Variants in TRIP13 observed in about 807,000 individuals in gnomAD.
TRIP13 encodes pachytene checkpoint protein 2 homolog.
Under a neutral mutation model 54.4 loss-of-function variants are expected in TRIP13, and 25 were observed. That is an observed-to-expected ratio of 0.46 (90% CI 0.33 to 0.64). TRIP13 has a LOEUF of 0.64. Ranked by LOEUF, TRIP13 falls within the 30% of genes least tolerant of loss-of-function variation. The pLI, the probability that TRIP13 is intolerant of heterozygous loss-of-function variation, is 0.02. For synonymous variants in TRIP13, 207 were observed against 207.8 expected (o/e 1.00, Z 0.03); for missense variants, 373 against 534.2 (o/e 0.70, Z 2.97).
At chr5:900,639 G>A in intron 4 of TRIP13, 90 bp downstream of exon 4, 1 of 1,436,518 alleles carries the variant, frequency 7.0e-7, no homozygotes. Flanking sequence ...GCAACTTGAT[G>A]CAGATGGGTT....
chr5:908,582 G>C lies in TRIP13; in HGVS notation c.866+121G>C, dbSNP rs112945315. On this transcript the variant is annotated intron_variant, in intron 9 of 12. Coordinates refer to ENST00000166345, the MANE Select transcript of TRIP13 (RefSeq NM_004237.4). The surrounding 1 kb of genome is among the most constrained non-coding windows in gnomAD (Gnocchi z 5.2). ...AGCTCTTTCACCGGAAAGTGCATTTGGCATTGAGTATCGACTCCTTTTCCA... is the reference window on the plus strand; with the variant it reads ...AGCTCTTTCACCGGAAAGTGCATTTCGCATTGAGTATCGACTCCTTTTCCA... The C allele has an allele frequency of 2.0e-6, 3 of 1,518,896 alleles. No homozygotes were observed. Among genetic ancestry groups the C allele is most frequent in the Admixed American group, 2.0e-5 (1 of 50,852 alleles). 94.1% of individuals were successfully genotyped at this position (1,518,896 alleles called of 1,614,324 possible).
At chr5:903,268 A>G (rs956589113) in intron 5 of TRIP13, among the ~76,000 whole-genome samples, 5 of 152,152 alleles carry the variant, frequency 3.3e-5, no homozygotes, top group African/African-American at 1.2e-4. Flanking sequence ...TGCTAGACCA[A>G]GGAGCCCTCT....
At position 894,895 on chromosome 5, in the gene TRIP13, C is replaced by G; in HGVS notation, c.201C>G (p.Thr67=). 6.2e-7 allele frequency: 1 copy of G among 1,613,552 alleles called. No individual in the cohort carries two copies. Among genetic ancestry groups the G allele is most frequent in the Non-Finnish European group, 8.5e-7 (1 of 1,179,846 alleles). The change falls in exon 2 of 13, where the codon ACC becomes ACG. Residue 67 remains threonine (T), a synonymous_variant. Coordinates refer to ENST00000166345, the MANE Select transcript of TRIP13 (RefSeq NM_004237.4). ...CTGAGTTTGATGAACCTTTTTTGAC[C>G]AGAAATGTGCAGTCTGTGTCTATTA... is the stretch of plus-strand genomic sequence containing the variant. The part of the protein sequence containing the change: ...TWTEFDEPFL[T]RNVQSVSIID...
chr5:893,204 C>A (rs989778685), intron 1 of TRIP13, 114 bp downstream of exon 1: 20 of 1,070,416 alleles, frequency 1.9e-5, no homozygotes, highest in Admixed American at 9.3e-5. Context: ...CCCCAGGGTA[C>A]TGATCCGGCC....
Position 907,053 on chromosome 5 carries a change from C to G in TRIP13, c.609-77C>G. 1 of 1,243,946 alleles carries G rather than the reference C, an allele frequency of 8.0e-7. No individual in the cohort carries two copies. The allele number at this position is 1,243,946 out of a possible 1,614,324, so 77.1% of individuals were successfully genotyped here. ...TGCTGGGCACTTGAGATGTTGCATTCAGGACGCGTGAATGGCTGCCGCTGA... is the reference window on the plus strand; with the variant it reads ...TGCTGGGCACTTGAGATGTTGCATTGAGGACGCGTGAATGGCTGCCGCTGA... On this transcript the variant is annotated intron_variant, in intron 6 of 12. Coordinates refer to ENST00000166345, the MANE Select transcript of TRIP13 (RefSeq NM_004237.4). The surrounding 1 kb of genome is among the most constrained non-coding windows in gnomAD (Gnocchi z 4.1).
At position 911,768 on chromosome 5, in the gene TRIP13, T is replaced by C; in HGVS notation, c.867-75T>C. 1 of 1,525,372 alleles carries C rather than the reference T, an allele frequency of 6.6e-7. No individual in the cohort carries two copies. Among genetic ancestry groups the C allele is most frequent in the South Asian group, 1.3e-5 (1 of 78,420 alleles). 94.5% of individuals were successfully genotyped at this position (1,525,372 alleles called of 1,614,324 possible). A position where few individuals can be genotyped will look rare whatever the true frequency, so the allele number is the denominator to read the frequency against. ...CTGGCCATCGTCCTGCCAACCTCCTTGCCAGATAGGGCAGGATAGAATTGG... is the reference window on the plus strand; with the variant it reads ...CTGGCCATCGTCCTGCCAACCTCCTCGCCAGATAGGGCAGGATAGAATTGG... On this transcript the variant is annotated intron_variant, in intron 9 of 12. Coordinates refer to ENST00000166345, the MANE Select transcript of TRIP13 (RefSeq NM_004237.4). The surrounding 1 kb of genome is among the most constrained non-coding windows in gnomAD (Gnocchi z 4.7).
chr5:916,182 C>T (rs902032963), intron 12 of TRIP13, among the ~76,000 whole-genome samples: 1 of 152,216 alleles, frequency 6.6e-6, no homozygotes, highest in Non-Finnish European at 1.5e-5. Context: ...TGCCACATGC[C>T]TCTGCTCACA....
At chr5:909,062 TTC>T (rs975357872) in intron 9 of TRIP13, 5 of 155,064 alleles carry the variant, frequency 3.2e-5, no homozygotes, top group African/African-American at 1.2e-4. Context: ...TCCCACCCAC[TTC>T]TCTCCTATCC....
chr5:916,367 C>T lies in TRIP13; in HGVS notation c.1203+394C>T, dbSNP rs1379741506. Among the ~76,000 whole-genome samples the T allele has an allele frequency of 9.8e-5, 15 of 152,322 alleles. No homozygotes were observed. In the South Asian group the frequency reaches 2.7e-3, roughly 27 times the overall value. ...GGTGCTGGGCCTGTTGCAGATGCTT[C>T]GGCCTGGGGCACTCACCCCTCCCCT... On this transcript the variant is annotated intron_variant, in intron 12 of 12. Transcript: ENST00000166345.
rs1274633118 is a variant in TRIP13, at chr5:911,058, C to T, written c.867-785C>T. On this transcript the variant is annotated intron_variant, in intron 9 of 12. Transcript: ENST00000166345. The surrounding 1 kb of genome is among the most constrained non-coding windows in gnomAD (Gnocchi z 4.7). ...TCCCTGGGGGCACCTTGTGCCCGCT[C>T]TGCTGGCTCATGCTGGGTCCTTGGG... 2.0e-5 allele frequency among the ~76,000 whole-genome samples: 3 copies of T among 152,256 alleles called. No homozygotes were observed. Among genetic ancestry groups the T allele is most frequent in the Non-Finnish European group, 4.4e-5 (3 of 68,044 alleles).
In TRIP13 at chr5:915,472, T is replaced by G. The variant is rs985252557; in HGVS notation, c.1134-432T>G. Among the ~76,000 whole-genome samples, 4 of 149,386 alleles carry G rather than the reference T, an allele frequency of 2.7e-5. No individual in the cohort carries two copies. The highest frequency in any genetic ancestry group is 1.3e-4 in the Admixed American group (2 of 15,204). On this transcript the variant is annotated intron_variant, in intron 11 of 12. Transcript: ENST00000166345. The surrounding 1 kb of genome is among the most constrained non-coding windows in gnomAD (Gnocchi z 4.2). ...GCTCCCAGGCAGGTGATGCATTCCCTGAGCGCAAGGATGCTGGCCCTGGGG... is the reference window on the plus strand; with the variant it reads ...GCTCCCAGGCAGGTGATGCATTCCCGGAGCGCAAGGATGCTGGCCCTGGGG...
In TRIP13 at chr5:904,131, T is replaced by A. The variant is rs201819954; in HGVS notation, c.536-17T>A. ...AGCACTGACTTAAAAATATATTTGC[T>A]TGGATCTTTGTCACAGGTCCTCCTG... On this transcript the variant is annotated splice_polypyrimidine_tract_variant and intron_variant, in intron 5 of 12. Coordinates refer to ENST00000166345, the MANE Select transcript of TRIP13 (RefSeq NM_004237.4). 1.3e-6 allele frequency: 2 copies of A among 1,597,342 alleles called. No individual in the cohort carries two copies. The highest frequency in any genetic ancestry group is 2.7e-5 in the African/African-American group (2 of 73,986).
At chr5:897,001 C>T (rs1753931303) in intron 3 of TRIP13, among the ~76,000 whole-genome samples, 1 of 152,214 alleles carries the variant, frequency 6.6e-6, no homozygotes, top group Admixed American at 6.5e-5. Context: ...TGGGTGGGTA[C>T]CTTAGAGTTC....
Position 908,272 on chromosome 5 carries a change from C to T in TRIP13, c.760-83C>T, listed in dbSNP as rs561976348. 156 of 1,508,858 alleles carry T rather than the reference C, an allele frequency of 1.0e-4. No individual in the cohort carries two copies. Among genetic ancestry groups the T allele is most frequent in the Non-Finnish European group, 1.3e-4 (140 of 1,096,862 alleles). 93.5% of individuals were successfully genotyped at this position (1,508,858 alleles called of 1,614,324 possible). A position where few individuals can be genotyped will look rare whatever the true frequency, so the allele number is the denominator to read the frequency against. On this transcript the variant is annotated intron_variant, in intron 8 of 12. Transcript: ENST00000166345. The surrounding 1 kb of genome is among the most constrained non-coding windows in gnomAD (Gnocchi z 5.2). ...AACACCCATTCATTCATCTTTTTCA[C>T]GTGCTCAGCGGGACGTATCCCCATA...
chr5:896,695 C>T lies in TRIP13; in HGVS notation c.289C>T (p.Leu97Phe). 1 of 1,613,826 alleles carries T rather than the reference C, an allele frequency of 6.2e-7. No homozygotes were observed. Among genetic ancestry groups the T allele is most frequent in the Middle Eastern group, 1.6e-4 (1 of 6,062 alleles). ...CGATTTGAGTGCATGCACTGTTGCA[C>T]TTCACATTTTCCAGCTGAATGAAGA... ...PIDLSACTVA[L>F]HIFQLNEDGP... is the part of the protein sequence containing the mutation. Residue 97 changes from leucine to phenylalanine, a missense_variant, in exon 3 of 13, where the codon CTT (leucine) becomes TTT (phenylalanine). This residue lies in a region of TRIP13 where 151 missense variants were observed against 151.9 expected (regional missense o/e 0.99). Coordinates refer to ENST00000166345, the MANE Select transcript of TRIP13 (RefSeq NM_004237.4).
intron 2 of TRIP13, among the ~76,000 whole-genome samples, chr5:895,344 T>C (rs916324610): frequency 7.2e-5 from 11 of 152,144 alleles, no homozygotes; most frequent in Admixed American, 2.6e-4. Flanking sequence ...CCTTATAGAA[T>C]TCCTTTATCT....
rs150596694 is a variant in TRIP13 at position 896,423 on chromosome 5, A to G, written c.259-242A>G. Reference sequence around the variant, plus strand: ...TAATAACGTCCCGGAGGCTGGATTTAGGGCACTTTTTCATTCTGTAAGTAA... The same window carrying G: ...TAATAACGTCCCGGAGGCTGGATTTGGGGCACTTTTTCATTCTGTAAGTAA... On this transcript the variant is annotated intron_variant, in intron 2 of 12. Transcript: ENST00000166345. Among the ~76,000 whole-genome samples the G allele has an allele frequency of 1.8e-3, 271 of 152,338 alleles. 2 individuals carry two copies. The highest frequency in any genetic ancestry group is 6.3e-3 in the African/African-American group (261 of 41,590).
Position 908,412 on chromosome 5 carries a change from G to A in TRIP13, c.817G>A (p.Ala273Thr). 6.2e-7 allele frequency: 1 copy of A among 1,613,642 alleles called. No homozygotes were observed. The highest frequency in any genetic ancestry group is 2.2e-5 in the East Asian group (1 of 44,884). Reference sequence around the variant, plus strand: ...CAGGGCGGGCACCGAGCCATCAGATGCCATCCGCGTGGTCAATGCTGTCTT... The same window carrying A: ...CAGGGCGGGCACCGAGCCATCAGATACCATCCGCGTGGTCAATGCTGTCTT... ...ACRAGTEPSD[A>T]IRVVNAVLTQ... Residue 273 changes from alanine (A) to threonine (T), a missense_variant, in exon 9 of 13, where the codon GCC (alanine) becomes ACC (threonine). Around this residue, in one of 4 missense-constraint regions of TRIP13, gnomAD observed 119 missense variants for 223.0 expected, o/e 0.53. Coordinates refer to ENST00000166345, the MANE Select transcript of TRIP13 (RefSeq NM_004237.4). This position sits in a 1 kb window ranked among gnomAD's most constrained non-coding sequence, Gnocchi z 5.2.
rs904748243 is a variant in TRIP13, at chr5:907,768, A to G, written c.673-220A>G. On this transcript the variant is annotated intron_variant, in intron 7 of 12. Transcript: ENST00000166345. The surrounding 1 kb of genome is among the most constrained non-coding windows in gnomAD (Gnocchi z 4.1). The stretch of plus-strand genomic sequence containing the variant: ...CCCCGGGCAGGTCAGGTGTGGTCTC[A>G]GGTCTCAGCACCCTGGCATTCAAAG... 6.6e-6 allele frequency among the ~76,000 whole-genome samples: 1 copy of G among 152,246 alleles called. No homozygotes were observed. Among genetic ancestry groups the G allele is most frequent in the African/African-American group, 2.4e-5 (1 of 41,470 alleles).
Sources: gnomAD v4.1 joint callset for allele counts (sites outside exome capture counted in the v4.1 genomes callset) on GRCh38, gnomAD v4.1.1 for gene constraint, gnomAD v4.1.1 regional missense constraint, Gnocchi (gnomAD v3.1) non-coding constraint, MANE v1.5 for transcripts, NCBI Gene and HGNC (gene_info 2026-07-23, HGNC 2026-07-21) for gene names.